ENPP2: variants seen among roughly 807,000 people sequenced by gnomAD.
The protein encoded by ENPP2 is autotaxin.
In ENPP2, 51 loss-of-function variants were observed where a neutral mutation model predicts 120.2. The ratio of observed to expected loss-of-function variants is 0.42; its 90% confidence interval spans 0.34 to 0.54. ENPP2 has a LOEUF of 0.54. Ranked by LOEUF, ENPP2 falls within the 20% of genes least tolerant of loss-of-function variation. The pLI, the probability that ENPP2 is intolerant of heterozygous loss-of-function variation, is 0.04. For synonymous variants in ENPP2, 365 were observed against 366.4 expected, an observed-to-expected ratio of 1.00 and a Z score of 0.04; for missense variants, 920 against 1,066.5, an observed-to-expected ratio of 0.86 and a Z score of 1.91.
At chr8:119,567,265 T>C (rs1814541299) in intron 22 of ENPP2, among the ~76,000 whole-genome samples, 1 of 152,176 alleles carries the variant, frequency 6.6e-6, no homozygotes. Context: ...AAAGGATGGA[T>C]GGGTGGACAG....
intron 11 of ENPP2, among the ~76,000 whole-genome samples, chr8:119,595,574 T>C (rs1439549876): frequency 1.3e-5 from 2 of 152,180 alleles, no homozygotes; most frequent in African/African-American, 4.8e-5. Flanking sequence ...GCACTCTTAA[T>C]AGTCACTCCA....
chr8:119,604,107 A>AACCTC (rs1814518378), intron 9 of ENPP2, among the ~76,000 whole-genome samples: 1 of 149,556 alleles, frequency 6.7e-6, no homozygotes, highest in Non-Finnish European at 1.5e-5. Flanking sequence ...GGCTCACTGC[A>AACCTC]ACCTCCACCT....
At chr8:119,597,455 C>T (rs955708280) in intron 11 of ENPP2, among the ~76,000 whole-genome samples, 1 of 152,120 alleles carries the variant, frequency 6.6e-6, no homozygotes, top group Non-Finnish European at 1.5e-5. Flanking sequence ...GTGATTATAT[C>T]GCATGTATTT....
At chr8:119,639,025 A>G (rs1025066199), upstream of ENPP2, among the ~76,000 whole-genome samples, 1 of 151,844 alleles carries the variant, frequency 6.6e-6, no homozygotes, top group Non-Finnish European at 1.5e-5. Context: ...CCCCTAACCC[A>G]CAGACACTTT....
At chr8:119,590,707 C>G (rs1587411439) in intron 12 of ENPP2, 77 bp from the exon 13 acceptor site, 1 of 1,022,930 alleles carries the variant, frequency 9.8e-7, no homozygotes, top group East Asian at 2.8e-5. Flanking sequence ...AAGATAACAT[C>G]CAGGCATCTC....
intron 11 of ENPP2, among the ~76,000 whole-genome samples, chr8:119,597,132 C>T (rs1443230916): frequency 1.4e-4 from 22 of 152,176 alleles, no homozygotes; most frequent in Admixed American, 1.4e-3. Context: ...AAAGGCACTT[C>T]TGTTTCTGTC....
intron 13 of ENPP2, among the ~76,000 whole-genome samples, chr8:119,588,775 G>A (rs908061174): frequency 6.6e-6 from 1 of 152,238 alleles, no homozygotes; most frequent in African/African-American, 2.4e-5. Context: ...TAAATAGCAT[G>A]TACTCAGATA....
At chr8:119,663,841 G>A (rs559776176) in intron 1 of ENPP2, among the ~76,000 whole-genome samples, 6 of 152,274 alleles carry the variant, frequency 3.9e-5, no homozygotes, top group South Asian at 4.1e-4. Flanking sequence ...GGAAAATGTA[G>A]GCGTCCCTCA....
At chr8:119,626,292 G>C (rs1416205591) in intron 3 of ENPP2, among the ~76,000 whole-genome samples, 1 of 151,720 alleles carries the variant, frequency 6.6e-6, no homozygotes, top group Non-Finnish European at 1.5e-5. Context: ...AAAGGATGAA[G>C]GTGAAGAAAC....
chr8:119,577,460 G>A lies in ENPP2; in HGVS notation c.1780+2656C>T, dbSNP rs981245910. On this transcript the variant is annotated intron_variant, in intron 19 of 24. Coordinates refer to ENST00000075322, the MANE Select transcript of ENPP2 (RefSeq NM_001040092.3). ...AAAGAACTCAGACCAAGAAAACATC[G>A]CTTTGCCACTGAAGAAATGACCAAG... is the stretch of plus-strand genomic sequence containing the variant. Among the ~76,000 whole-genome samples the A allele has an allele frequency of 1.6e-4, 24 of 152,248 alleles. No individual in the cohort carries two copies. In the Middle Eastern group the frequency reaches 0.014, roughly 86 times the overall value.
chr8:119,670,899 T>G (rs995665929), intron 1 of ENPP2, among the ~76,000 whole-genome samples: 11 of 152,132 alleles, frequency 7.2e-5, no homozygotes, highest in African/African-American at 2.7e-4. Flanking sequence ...ACAATGTGTA[T>G]CCACCAAAAT....
intron 7 of ENPP2, among the ~76,000 whole-genome samples, chr8:119,616,830 C>A (rs1815487991): frequency 6.6e-6 from 1 of 151,978 alleles, no homozygotes; most frequent in East Asian, 1.9e-4. Context: ...TTTGAAGTAC[C>A]TGAAAATTAA....
chr8:119,626,535 G>A (rs373864012), intron 3 of ENPP2, 30 bp downstream of exon 3: 52 of 1,594,884 alleles, frequency 3.3e-5, no homozygotes, highest in Non-Finnish European at 4.3e-5. Flanking sequence ...CCATCTACTT[G>A]AAGGTAGAGA....
At chr8:119,585,580 T>C (rs1186853768) in intron 15 of ENPP2, among the ~76,000 whole-genome samples, 1 of 152,144 alleles carries the variant, frequency 6.6e-6, no homozygotes, top group Non-Finnish European at 1.5e-5. Flanking sequence ...TGTGTGAAAA[T>C]GGATAAATCC....
intron 1 of ENPP2, among the ~76,000 whole-genome samples, chr8:119,658,217 C>T (rs534717317): frequency 3.7e-4 from 57 of 152,230 alleles, no homozygotes; most frequent in African/African-American, 1.1e-3. Context: ...AGGGGGTCCA[C>T]GTGCTTGTTT....
intron 3 of ENPP2, among the ~76,000 whole-genome samples, chr8:119,621,858 G>T (rs1439088313): frequency 6.6e-6 from 1 of 152,180 alleles, no homozygotes; most frequent in Non-Finnish European, 1.5e-5. Flanking sequence ...GCTATCTACT[G>T]TTGTAGGGAC....
chr8:119,594,308 T>C (rs1480559124), intron 11 of ENPP2, among the ~76,000 whole-genome samples: 1 of 152,210 alleles, frequency 6.6e-6, no homozygotes, highest in Non-Finnish European at 1.5e-5. Context: ...TTGCACTGGA[T>C]AATAAATTAG....
intron 1 of ENPP2, chr8:119,673,195 G>A: frequency 1.4e-6 from 2 of 1,404,084 alleles, no homozygotes; most frequent in South Asian, 1.2e-5. Context: ...CAGAATGGCA[G>A]CTGTGACCTG....
At chr8:119,561,041 A>C (rs1434929831) in intron 24 of ENPP2, among the ~76,000 whole-genome samples, 5 of 152,202 alleles carry the variant, frequency 3.3e-5, no homozygotes, top group African/African-American at 9.7e-5. Flanking sequence ...AGCTACTATT[A>C]CTACTACTAC....
Sources: gnomAD v4.1 joint callset for allele counts (sites outside exome capture counted in the v4.1 genomes callset) on GRCh38, gnomAD v4.1.1 for gene constraint, MANE v1.5 for transcripts, NCBI Gene and HGNC (gene_info 2026-07-23, HGNC 2026-07-21) for gene names.